The following ST7 variants were observed in gnomAD, a reference collection of about 807,000 sequenced individuals.
ST7 encodes the protein suppressor of tumorigenicity 7 protein.
ST7 carries 28 observed loss-of-function variants against 78.7 expected under a neutral mutation model. The observed-to-expected ratio is 0.36, with a 90% CI of 0.26 to 0.49. The LOEUF (loss-of-function observed/expected upper bound fraction) is 0.49. Ranked by LOEUF, ST7 falls within the 20% of genes least tolerant of loss-of-function variation. The pLI, the probability that ST7 is intolerant of heterozygous loss-of-function variation, is 0.99. For synonymous variants in ST7, 247 were observed against 249.6 expected (o/e 0.99, Z 0.10); for missense variants, 418 against 696.0 (o/e 0.60, Z 4.49).
At chr7:117,121,506 C>G (rs1162982955) in intron 3 of ST7, among the ~76,000 whole-genome samples, 3 of 152,074 alleles carry the variant, frequency 2.0e-5, no homozygotes, top group African/African-American at 4.8e-5. Context: ...TAATTATAAC[C>G]TGGTTAGACA....
At chr7:117,165,006 C>T (rs1225815318) in intron 9 of ST7, among the ~76,000 whole-genome samples, 2 of 151,996 alleles carry the variant, frequency 1.3e-5, no homozygotes, top group African/African-American at 2.4e-5. Flanking sequence ...TGACAGGCTG[C>T]CTTGTAAATG....
In ST7 at chr7:117,219,055, A is replaced by G. The variant is rs1303046317; in HGVS notation, c.1406-29A>G. ...GGAAGTTATGACACAAACATTGGACATCTCTGACATATTTTTTCTCGTTTT... is the reference window on the plus strand; with the variant it reads ...GGAAGTTATGACACAAACATTGGACGTCTCTGACATATTTTTTCTCGTTTT... On this transcript the variant is annotated intron_variant, in intron 13 of 15. Coordinates refer to ENST00000323984, the MANE Select transcript of ST7 (RefSeq NM_001369598.1). The surrounding 1 kb of genome is among the most constrained non-coding windows in gnomAD (Gnocchi z 5.1). 6.4e-7 allele frequency: 1 copy of G among 1,572,606 alleles called. No individual in the cohort carries two copies. Among genetic ancestry groups the G allele is most frequent in the Non-Finnish European group, 8.7e-7 (1 of 1,151,768 alleles).
At chr7:117,161,591 C>CTTTTT (rs60505994) in intron 9 of ST7, among the ~76,000 whole-genome samples, 3,373 of 112,760 alleles carry the variant, frequency 0.03, 10 homozygotes, top group East Asian at 0.039. Context: ...TTCTTTCTTT[C>CTTTTT]TTTTTTTTTT....
At chr7:117,049,508 C>T (rs776654385) in intron 1 of ST7, among the ~76,000 whole-genome samples, 4 of 152,148 alleles carry the variant, frequency 2.6e-5, no homozygotes, top group Admixed American at 1.3e-4. Context: ...TTTAAGTTGT[C>T]GTGTAATGAC....
At chr7:117,189,480 T>C (rs1809577408) in intron 11 of ST7, 87 bp downstream of exon 11, 11 of 1,075,458 alleles carry the variant, frequency 1.0e-5, no homozygotes, top group Non-Finnish European at 1.4e-5. Context: ...AAGTTTCTCT[T>C]AGGCTATGAG....
intron 9 of ST7, among the ~76,000 whole-genome samples, chr7:117,162,217 G>A (rs1807213865): frequency 6.6e-6 from 1 of 152,004 alleles, no homozygotes; most frequent in Admixed American, 6.5e-5. Context: ...TGACAGGTGG[G>A]TTCAGTCTTA....
chr7:117,129,905 A>G, intron 4 of ST7, 58 bp downstream of exon 4: 1 of 1,438,184 alleles, frequency 7.0e-7, no homozygotes, highest in Non-Finnish European at 9.6e-7. Context: ...CAAAGACAGC[A>G]GCAAATGTTT....
chr7:117,223,984 A>G, intron 15 of ST7: 1 of 967,594 alleles, frequency 1.0e-6, no homozygotes, highest in South Asian at 4.8e-5. Flanking sequence ...CTCTTCTTGT[A>G]TACTTATAAT....
intron 1 of ST7, among the ~76,000 whole-genome samples, chr7:116,999,969 C>T (rs1001955786): frequency 6.6e-6 from 1 of 151,890 alleles, no homozygotes; most frequent in Non-Finnish European, 1.5e-5. Flanking sequence ...TGCCACCACG[C>T]CCAGCTAATT....
rs543960826 is a variant in ST7 at position 116,992,200 on chromosome 7, A to G, written c.151+38509A>G. ...ACAGTGGCCCTCTTTTCACAGCTCCACTAGGCAGAGCACCAGTAGGGACTC... is the reference window on the plus strand; with the variant it reads ...ACAGTGGCCCTCTTTTCACAGCTCCGCTAGGCAGAGCACCAGTAGGGACTC... On this transcript the variant is annotated intron_variant, in intron 1 of 15. Transcript: ENST00000323984. Among the ~76,000 whole-genome samples the G allele has an allele frequency of 7.2e-5, 11 of 152,286 alleles. No individual in the cohort carries two copies. In the East Asian group the frequency reaches 1.2e-3, roughly 16 times the overall value.
intron 2 of ST7, among the ~76,000 whole-genome samples, chr7:117,116,011 C>G (rs1386209492): frequency 6.6e-6 from 1 of 152,076 alleles, no homozygotes; most frequent in African/African-American, 2.4e-5. Flanking sequence ...GAAAACTAAG[C>G]CCCAAGGAAT....
chr7:116,966,242 TC>T, intron 1 of ST7: 4 of 273,674 alleles, frequency 1.5e-5, no homozygotes, highest in Non-Finnish European at 7.6e-6. Flanking sequence ...TTTTCTTTTT[TC>T]TTTCTTTTTT....
intron 1 of ST7, among the ~76,000 whole-genome samples, chr7:117,095,168 C>G (rs1252394345): frequency 6.6e-6 from 1 of 152,116 alleles, no homozygotes; most frequent in Non-Finnish European, 1.5e-5. Flanking sequence ...AGGCCTCTTC[C>G]AGGAGTGTAA....
At chr7:117,201,559 G>GT (rs1196318224) in intron 12 of ST7, among the ~76,000 whole-genome samples, 2 of 142,374 alleles carry the variant, frequency 1.4e-5, no homozygotes, top group African/African-American at 6.1e-5. Flanking sequence ...TTTTGTGTGT[G>GT]GTTTTTTTTT....
intron 1 of ST7, 104 bp from the exon 2 acceptor site, chr7:117,099,657 TC>T: frequency 1.3e-6 from 1 of 754,156 alleles, no homozygotes; most frequent in South Asian, 1.9e-5. Flanking sequence ...ATTATCATCA[TC>T]AGAAATAAAT....
intron 1 of ST7, among the ~76,000 whole-genome samples, chr7:117,089,489 CAAAACAAAAA>C (rs1800416181): frequency 6.7e-6 from 1 of 149,022 alleles, no homozygotes; most frequent in Non-Finnish European, 1.5e-5. Flanking sequence ...TAAAACAAAA[CAAAACAAAAA>C]AAAACCTGTG....
At chr7:116,982,502 A>G (rs1562992118) in intron 1 of ST7, among the ~76,000 whole-genome samples, 1 of 152,120 alleles carries the variant, frequency 6.6e-6, no homozygotes, top group Non-Finnish European at 1.5e-5. Flanking sequence ...TCTTTAAACC[A>G]GTGTAGACTC....
intron 1 of ST7, among the ~76,000 whole-genome samples, chr7:117,062,970 C>A (rs1798434688): frequency 6.6e-6 from 1 of 152,180 alleles, no homozygotes; most frequent in Non-Finnish European, 1.5e-5. Flanking sequence ...TTACATCTTT[C>A]AAGTAGAAGA....
At chr7:117,019,358 A>G (rs1414995341) in intron 1 of ST7, among the ~76,000 whole-genome samples, 5 of 152,212 alleles carry the variant, frequency 3.3e-5, no homozygotes, top group Non-Finnish European at 5.9e-5. Flanking sequence ...TTATAAGAAT[A>G]TGGTAACACA....
Sources: gnomAD v4.1 joint callset for allele counts (sites outside exome capture counted in the v4.1 genomes callset) on GRCh38, gnomAD v4.1.1 for gene constraint, Gnocchi (gnomAD v3.1) non-coding constraint, MANE v1.5 for transcripts, NCBI Gene and HGNC (gene_info 2026-07-23, HGNC 2026-07-21) for gene names.